Variants in SLC35F3 observed in about 807,000 individuals in gnomAD.
SLC35F3 encodes solute carrier family 35 member F3.
A neutral mutation model predicts 49.9 loss-of-function variants in SLC35F3; 25 were observed. The observed-to-expected ratio is 0.50, with a 90% confidence interval of 0.37 to 0.70. The LOEUF (loss-of-function observed/expected upper bound fraction) is 0.70, where lower values mean the gene tolerates loss of function less well. Among genes scored for constraint, SLC35F3 ranks in the 30% least tolerant of loss-of-function variants. SLC35F3 has a pLI of 0.00. For missense variants in SLC35F3, 525 were observed against 639.8 expected (o/e 0.82, Z 1.94); for synonymous variants, 275 against 265.4 (o/e 1.04, Z -0.35).
chr1:234,281,854 A>G (rs1483588210), intron 3 of SLC35F3, among the ~76,000 whole-genome samples: 1 of 151,834 alleles, frequency 6.6e-6, no homozygotes, highest in Non-Finnish European at 1.5e-5. Flanking sequence ...GGTAGAGTAC[A>G]TTGTGAAGAC....
chr1:234,298,324 C>A lies in SLC35F3; in HGVS notation c.609-10777C>A, dbSNP rs570905649. Among the ~76,000 whole-genome samples, 11 of 152,246 alleles carry A rather than the reference C, an allele frequency of 7.2e-5. No individual in the cohort carries two copies. The South Asian group carries it at 2.3e-3, about 32-fold the overall frequency. ...GATCTGAAGGGGTGAGGAAAAGAAC[C>A]ATGTCCAGATCTTCCCCCATATTTA... On this transcript the variant is annotated intron_variant, in intron 3 of 7. Coordinates refer to ENST00000366618, the MANE Select transcript of SLC35F3 (RefSeq NM_173508.4).
At chr1:233,976,204 A>G (rs557214069) in intron 2 of SLC35F3, among the ~76,000 whole-genome samples, 2 of 152,344 alleles carry the variant, frequency 1.3e-5, no homozygotes, top group South Asian at 2.1e-4. Context: ...TAAAGATACT[A>G]TAGTCTCCTT....
Position 234,320,406 on chromosome 1 carries a change from A to C in SLC35F3, c.1237+219A>C, listed in dbSNP as rs571962730. Among the ~76,000 whole-genome samples, 1 of 152,208 alleles carries C rather than the reference A, an allele frequency of 6.6e-6. No homozygotes were observed. Among genetic ancestry groups the C allele is most frequent in the East Asian group, 1.9e-4 (1 of 5,194 alleles). On this transcript the variant is annotated intron_variant, in intron 7 of 7. Coordinates refer to ENST00000366618, the MANE Select transcript of SLC35F3 (RefSeq NM_173508.4). The surrounding 1 kb of genome is among the most constrained non-coding windows in gnomAD (Gnocchi z 4.8). ...GCGTGTTTAACTGTCTGCCAAAAAA[A>C]AAGCATTTAGGTGAAATGTTGCTAT...
intron 2 of SLC35F3, among the ~76,000 whole-genome samples, chr1:233,964,240 G>T (rs1298444997): frequency 1.3e-5 from 2 of 152,194 alleles, no homozygotes; most frequent in African/African-American, 4.8e-5. Flanking sequence ...AGCTCACAAA[G>T]GAGTAGACGG....
intron 2 of SLC35F3, among the ~76,000 whole-genome samples, chr1:234,168,024 C>G (rs907294456): frequency 6.6e-6 from 1 of 152,224 alleles, no homozygotes; most frequent in Non-Finnish European, 1.5e-5. Flanking sequence ...TTCCTGCACA[C>G]TTGTGTGTCT....
At chr1:234,217,951 G>T (rs1325203707) in intron 2 of SLC35F3, among the ~76,000 whole-genome samples, 1 of 152,178 alleles carries the variant, frequency 6.6e-6, no homozygotes, top group Non-Finnish European at 1.5e-5. Context: ...GAGAAAGCTT[G>T]TTGGTGCAGA....
intron 2 of SLC35F3, among the ~76,000 whole-genome samples, chr1:234,068,557 G>A (rs1456007269): frequency 6.6e-6 from 1 of 151,906 alleles, no homozygotes; most frequent in Non-Finnish European, 1.5e-5. Context: ...CATAATTGCT[G>A]TCCCTGAAAC....
intron 3 of SLC35F3, among the ~76,000 whole-genome samples, chr1:234,268,361 G>A (rs1668038383): frequency 6.7e-6 from 1 of 150,092 alleles, no homozygotes; most frequent in African/African-American, 2.5e-5. Context: ...AGGCTGTCAG[G>A]AGAATCAGGC....
At chr1:234,194,208 T>A (rs904649515) in intron 2 of SLC35F3, among the ~76,000 whole-genome samples, 2 of 152,204 alleles carry the variant, frequency 1.3e-5, no homozygotes, top group Non-Finnish European at 2.9e-5. Flanking sequence ...GAACCAGCCC[T>A]AATGCTCATC....
chr1:233,947,683 G>A (rs116336375), intron 2 of SLC35F3, among the ~76,000 whole-genome samples: 4,579 of 150,166 alleles, frequency 0.03, 146 homozygotes, highest in South Asian at 0.055. Context: ...ATGGGAACCA[G>A]GATGATCTGA....
chr1:233,912,445 C>T (rs1661893196), intron 2 of SLC35F3, among the ~76,000 whole-genome samples: 1 of 151,924 alleles, frequency 6.6e-6, no homozygotes, highest in African/African-American at 2.4e-5. Flanking sequence ...CCACTGCACT[C>T]CATCCTGGGC....
At chr1:234,228,710 G>A (rs1372483579) in intron 2 of SLC35F3, among the ~76,000 whole-genome samples, 1 of 152,030 alleles carries the variant, frequency 6.6e-6, no homozygotes, top group Non-Finnish European at 1.5e-5. Flanking sequence ...TTGTACTAGG[G>A]GCACGGTTCT....
intron 3 of SLC35F3, among the ~76,000 whole-genome samples, chr1:234,236,925 T>TTATATATATATATATATATATATA (rs55846915): frequency 6.2e-5 from 6 of 96,290 alleles, no homozygotes; most frequent in Non-Finnish European, 1.0e-4. Context: ...AAAAAAAAAA[T>TTATATATATATATATATATATATA]TATATATATA....
rs547703015 is a variant in SLC35F3 at position 234,134,115 on chromosome 1, C to A, written c.284-97302C>A. Among the ~76,000 whole-genome samples the A allele has an allele frequency of 5.9e-5, 9 of 152,254 alleles. No individual in the cohort carries two copies. In the South Asian group the frequency reaches 1.4e-3, roughly 25 times the overall value. Reference sequence around the variant, plus strand: ...CTTTAAATGCCATCCCAAAGAGAATCATTTGTTCTTTCATTTAACAAATAT... The same window carrying A: ...CTTTAAATGCCATCCCAAAGAGAATAATTTGTTCTTTCATTTAACAAATAT... On this transcript the variant is annotated intron_variant, in intron 2 of 7. Coordinates refer to ENST00000366618, the MANE Select transcript of SLC35F3 (RefSeq NM_173508.4).
chr1:234,142,678 G>A (rs1361148759), intron 2 of SLC35F3, among the ~76,000 whole-genome samples: 1 of 152,024 alleles, frequency 6.6e-6, no homozygotes, highest in Non-Finnish European at 1.5e-5. Flanking sequence ...AACGCATGAT[G>A]TGTCGCTATA....
At chr1:234,126,190 G>A (rs1665644642) in intron 2 of SLC35F3, among the ~76,000 whole-genome samples, 1 of 152,036 alleles carries the variant, frequency 6.6e-6, no homozygotes. Context: ...TCAGATTCAC[G>A]CATCTCTCTC....
At chr1:233,975,664 G>A (rs1454392228) in intron 2 of SLC35F3, among the ~76,000 whole-genome samples, 3 of 152,208 alleles carry the variant, frequency 2.0e-5, no homozygotes, top group Non-Finnish European at 4.4e-5. Context: ...GTGGTTGAAC[G>A]GGGAGCAACA....
intron 3 of SLC35F3, among the ~76,000 whole-genome samples, chr1:234,295,970 C>A (rs945716476): frequency 1.3e-5 from 2 of 152,222 alleles, no homozygotes; most frequent in Non-Finnish European, 2.9e-5. Flanking sequence ...GCTGTTGGAT[C>A]ATGTGTTATA....
chr1:234,226,845 C>G (rs566459721), intron 2 of SLC35F3, among the ~76,000 whole-genome samples: 6 of 152,242 alleles, frequency 3.9e-5, no homozygotes, highest in African/African-American at 1.4e-4. Flanking sequence ...CCTCAGGACA[C>G]TAAGACAGGG....
Sources: allele counts gnomAD v4.1 joint callset (sites outside exome capture counted in the v4.1 genomes callset), GRCh38; gene constraint gnomAD v4.1.1; non-coding constraint Gnocchi (gnomAD v3.1); transcripts MANE v1.5; gene names NCBI Gene and HGNC (gene_info 2026-07-23, HGNC 2026-07-21).